Variants in NEURL1 observed in about 807,000 individuals in gnomAD.
NEURL1 encodes neuralized E3 ubiquitin protein ligase 1.
Under a neutral mutation model 41.2 loss-of-function variants are expected in NEURL1, and 26 were observed. The ratio of observed to expected loss-of-function variants is 0.63; its 90% CI spans 0.46 to 0.87. NEURL1 has a LOEUF of 0.87. Among genes scored for constraint, NEURL1 ranks in the 40% least tolerant of loss-of-function variants. The probability of loss-of-function intolerance (pLI) is 0.00; values close to 1 mark genes in which losing one functional copy is unlikely to be tolerated. For missense variants in NEURL1, 761 were observed against 871.1 expected, an observed-to-expected ratio of 0.87 and a Z score of 1.59; for synonymous variants, 400 against 402.3, an observed-to-expected ratio of 0.99 and a Z score of 0.07.
At chr10:103,561,450 G>A (rs574218949) in intron 1 of NEURL1, among the ~76,000 whole-genome samples, 3 of 152,212 alleles carry the variant, frequency 2.0e-5, no homozygotes, top group Admixed American at 2.0e-4. Context: ...TTTTAGTAGA[G>A]ACGGGGTTTT....
intron 1 of NEURL1, among the ~76,000 whole-genome samples, chr10:103,540,449 C>T (rs989188543): frequency 5.3e-5 from 7 of 133,330 alleles, no homozygotes; most frequent in South Asian, 2.7e-4. Context: ...GCCACCACAC[C>T]TGGCTAATTT....
chr10:103,555,539 TG>T (rs1206868415), intron 1 of NEURL1: 2 of 705,172 alleles, frequency 2.8e-6, no homozygotes, highest in African/African-American at 3.9e-5. Context: ...TGGAGGGGTC[TG>T]GGGCTGTGTG....
intron 1 of NEURL1, among the ~76,000 whole-genome samples, chr10:103,496,203 T>C (rs558731653): frequency 7.2e-4 from 109 of 152,310 alleles, no homozygotes; most frequent in Non-Finnish European, 1.2e-3. Flanking sequence ...TATATACTTA[T>C]GGCACTAGGC....
In NEURL1 at chr10:103,545,836, T is replaced by A. The variant is rs2034913394; in HGVS notation, c.86-25036T>A. On this transcript the variant is annotated intron_variant, in intron 1 of 5. Coordinates refer to ENST00000369780, the MANE Select transcript of NEURL1 (RefSeq NM_004210.5). This position sits in a 1 kb window ranked among gnomAD's most constrained non-coding sequence, Gnocchi z 4.5. ...GTCCCCACTTTCTCTTTTGGAGACG[T>A]GTGTGGTGCTGAAGCTCTGACCCCT... Among the ~76,000 whole-genome samples, 1 of 152,116 alleles carries A rather than the reference T, an allele frequency of 6.6e-6. No individual in the cohort carries two copies. Among genetic ancestry groups the A allele is most frequent in the Non-Finnish European group, 1.5e-5 (1 of 68,014 alleles).
In NEURL1 at chr10:103,495,979, G is replaced by A. The variant is rs546773968; in HGVS notation, c.85+1507G>A. On this transcript the variant is annotated intron_variant, in intron 1 of 5. Coordinates refer to ENST00000369780, the MANE Select transcript of NEURL1 (RefSeq NM_004210.5). The stretch of plus-strand genomic sequence containing the variant: ...AAAAATTAGCCGGGCATAGTGGTGC[G>A]TGCCTATGATCCCAGCTACTTGGGA... Among the ~76,000 whole-genome samples, 18 of 152,226 alleles carry A rather than the reference G, an allele frequency of 1.2e-4. No individual in the cohort carries two copies. The East Asian group carries it at 2.9e-3, about 24-fold the overall frequency.
Position 103,494,488 on chromosome 10 carries a change from G to A in NEURL1, c.85+16G>A, listed in dbSNP as rs368918130. On this transcript the variant is annotated intron_variant, in intron 1 of 5. Transcript: ENST00000369780. ...AACCTCAAAGGTAGGCTCCCCGGCC[G>A]AGCGCTGCTGGAGGACTGGGGCGCA... 40 of 1,537,626 alleles carry A rather than the reference G, an allele frequency of 2.6e-5. No individual in the cohort carries two copies. The highest frequency in any genetic ancestry group is 3.2e-5 in the Non-Finnish European group (36 of 1,141,476).
At chr10:103,557,158 TG>T (rs2035174338) in intron 1 of NEURL1, among the ~76,000 whole-genome samples, 1 of 152,174 alleles carries the variant, frequency 6.6e-6, no homozygotes, top group Non-Finnish European at 1.5e-5. Flanking sequence ...CCAGGCCCGA[TG>T]GTTCACGCCT....
intron 1 of NEURL1, among the ~76,000 whole-genome samples, chr10:103,522,162 T>C (rs2034363465): frequency 6.6e-6 from 1 of 152,128 alleles, no homozygotes; most frequent in African/African-American, 2.4e-5. Context: ...GAACTGGCCA[T>C]TTTGACTTCT....
chr10:103,504,968 T>G (rs965356402), intron 1 of NEURL1, among the ~76,000 whole-genome samples: 1 of 151,952 alleles, frequency 6.6e-6, no homozygotes, highest in African/African-American at 2.4e-5. Flanking sequence ...TCATTTCTCA[T>G]CCTTGGCCTC....
chr10:103,571,374 G>C, intron 2 of NEURL1, 127 bp from the exon 3 acceptor site: 1 of 1,097,646 alleles, frequency 9.1e-7, no homozygotes, highest in Non-Finnish European at 1.3e-6. Flanking sequence ...GCTCCTGGGA[G>C]GGAACTGTGC....
intron 1 of NEURL1, among the ~76,000 whole-genome samples, chr10:103,519,835 G>T (rs1485239731): frequency 6.6e-6 from 1 of 151,430 alleles, no homozygotes; most frequent in African/African-American, 2.4e-5. Context: ...CTAGGCTGGA[G>T]TACAGTGGCG....
At chr10:103,550,219 A>G (rs2035005760) in intron 1 of NEURL1, among the ~76,000 whole-genome samples, 1 of 152,236 alleles carries the variant, frequency 6.6e-6, no homozygotes, top group African/African-American at 2.4e-5. Flanking sequence ...TAGGTAGACC[A>G]TCATGGAAAC....
intron 1 of NEURL1, among the ~76,000 whole-genome samples, chr10:103,512,654 G>A (rs924421815): frequency 6.6e-6 from 1 of 152,134 alleles, no homozygotes; most frequent in Non-Finnish European, 1.5e-5. Context: ...TAAAAAGGAC[G>A]GGAGCTGTGC....
rs1309251835 is a variant in NEURL1, at chr10:103,545,041, G to A, written c.86-25831G>A. On this transcript the variant is annotated intron_variant, in intron 1 of 5. Coordinates refer to ENST00000369780, the MANE Select transcript of NEURL1 (RefSeq NM_004210.5). This position sits in a 1 kb window ranked among gnomAD's most constrained non-coding sequence, Gnocchi z 4.5. ...TGAAGGAAGTAATCCCGAAGAGGGA[G>A]GTGTCGGGGGACAGGAGCCTGAGAG... Among the ~76,000 whole-genome samples the A allele has an allele frequency of 6.6e-6, 1 of 152,248 alleles. No homozygotes were observed. The highest frequency in any genetic ancestry group is 2.4e-5 in the African/African-American group (1 of 41,472).
At chr10:103,539,801 A>G (rs1456705088) in intron 1 of NEURL1, among the ~76,000 whole-genome samples, 2 of 152,242 alleles carry the variant, frequency 1.3e-5, no homozygotes, top group Non-Finnish European at 2.9e-5. Context: ...AATGAGATGC[A>G]AATTAGAATT....
intron 4 of NEURL1, among the ~76,000 whole-genome samples, chr10:103,587,609 T>G (rs1405808232): frequency 6.6e-6 from 1 of 152,210 alleles, no homozygotes; most frequent in African/African-American, 2.4e-5. Context: ...CTAAGTATAC[T>G]AAAAATAGAA....
intron 4 of NEURL1, among the ~76,000 whole-genome samples, chr10:103,587,043 C>A: frequency 6.6e-6 from 1 of 150,846 alleles, no homozygotes; most frequent in African/African-American, 2.5e-5. Flanking sequence ...AGTGAGATTC[C>A]ATCTCAAGAA....
chr10:103,565,452 G>A (rs1564824172), intron 1 of NEURL1, among the ~76,000 whole-genome samples: 1 of 152,132 alleles, frequency 6.6e-6, no homozygotes. Flanking sequence ...GGGAACCCCC[G>A]TTCTGTTTCA....
chr10:103,577,484 A>AT (rs1196221228), intron 3 of NEURL1: 1 of 152,668 alleles, frequency 6.6e-6, no homozygotes, highest in Non-Finnish European at 1.5e-5. Flanking sequence ...GAGAGGTCTG[A>AT]TAACCTGCCC....
Sources: allele counts gnomAD v4.1 joint callset (sites outside exome capture counted in the v4.1 genomes callset), GRCh38; gene constraint gnomAD v4.1.1; non-coding constraint Gnocchi (gnomAD v3.1); transcripts MANE v1.5; gene names NCBI Gene and HGNC (gene_info 2026-07-23, HGNC 2026-07-21).